Variants in BAZ2B observed in about 807,000 individuals in gnomAD.
BAZ2B encodes bromodomain adjacent to zinc finger domain 2B, also known as bromodomain adjacent to zinc finger domain protein 2B.
A neutral mutation model predicts 246.0 loss-of-function variants in BAZ2B; 91 were observed. The observed-to-expected ratio is 0.37, with a 90% CI of 0.31 to 0.44. The LOEUF (loss-of-function observed/expected upper bound fraction) is 0.44. Ranked by LOEUF, BAZ2B falls within the 20% of genes least tolerant of loss-of-function variation. The pLI is 1.00. For synonymous variants in BAZ2B, 855 were observed against 860.0 expected (o/e 0.99, Z 0.10); for missense variants, 2,332 against 2,533.7 (o/e 0.92, Z 1.71).
At chr2:159,606,019 C>T (rs1693406266) in intron 1 of BAZ2B, among the ~76,000 whole-genome samples, 1 of 152,184 alleles carries the variant, frequency 6.6e-6, no homozygotes. Flanking sequence ...AACCCTTCAA[C>T]TTTTACTTCA....
chr2:159,468,783 G>A (rs968436929), intron 3 of BAZ2B, among the ~76,000 whole-genome samples: 11 of 152,126 alleles, frequency 7.2e-5, no homozygotes, highest in African/African-American at 2.2e-4. Flanking sequence ...GGTGGCTAAC[G>A]CCTGTAATCC....
At chr2:159,399,035 C>A in intron 17 of BAZ2B, 141 bp from the exon 18 acceptor site, 1 of 611,306 alleles carries the variant, frequency 1.6e-6, no homozygotes, top group South Asian at 3.1e-5. Flanking sequence ...CAGATTTCCC[C>A]CCAGTTAACA....
intron 20 of BAZ2B, among the ~76,000 whole-genome samples, chr2:159,395,100 T>A (rs528650808): frequency 3.9e-5 from 6 of 152,108 alleles, no homozygotes; most frequent in South Asian, 4.2e-4. Flanking sequence ...ATCTCAATTT[T>A]AAAAAAATGG....
chr2:159,377,645 T>C (rs2061540979), intron 25 of BAZ2B, among the ~76,000 whole-genome samples: 2 of 151,786 alleles, frequency 1.3e-5, no homozygotes, highest in African/African-American at 4.8e-5. Flanking sequence ...AAACCCTGTC[T>C]CTACTAAAAA....
chr2:159,340,212 C>A, intron 31 of BAZ2B, among the ~76,000 whole-genome samples: 1 of 150,446 alleles, frequency 6.6e-6, no homozygotes, highest in South Asian at 2.1e-4. Flanking sequence ...ATAGGCAGAC[C>A]AAGGGGTGGG....
intron 4 of BAZ2B, among the ~76,000 whole-genome samples, chr2:159,448,793 A>G (rs1264704846): frequency 6.6e-6 from 1 of 152,218 alleles, no homozygotes; most frequent in Non-Finnish European, 1.5e-5. Flanking sequence ...TCTACAACCT[A>G]TGTTAAGACT....
In BAZ2B at chr2:159,350,325, G is replaced by C. The variant is rs1183329354; in HGVS notation, c.4246C>G (p.Leu1416Val). 1.3e-6 allele frequency: 2 copies of C among 1,567,384 alleles called. No homozygotes were observed. Among genetic ancestry groups the C allele is most frequent in the Non-Finnish European group, 1.7e-6 (2 of 1,161,700 alleles). ...LEEIAKEREK[L>V]KKAESVQIKE... Reference sequence around the variant, plus strand: ...ATCTGGACACTTTCTGCCTTTTTCAGTTTTTCTCTTTCTTTTGCAATTTCT... The same window carrying C: ...ATCTGGACACTTTCTGCCTTTTTCACTTTTTCTCTTTCTTTTGCAATTTCT... The change falls in exon 28 of 37, where the codon CTG becomes GTG. Residue 1416 changes from leucine to valine, a missense_variant. Leu to Val is a conservative substitution (Grantham distance 32). This residue lies in a region of BAZ2B where 676 missense variants were observed against 668.6 expected (regional missense o/e 1.01). Coordinates refer to ENST00000392783, the MANE Select transcript of BAZ2B (RefSeq NM_013450.4).
At chr2:159,552,034 T>C (rs1186486308) in intron 2 of BAZ2B, among the ~76,000 whole-genome samples, 1 of 152,188 alleles carries the variant, frequency 6.6e-6, no homozygotes, top group Non-Finnish European at 1.5e-5. Flanking sequence ...CAAAGGTTTT[T>C]CTAACCCCAA....
intron 2 of BAZ2B, among the ~76,000 whole-genome samples, chr2:159,484,914 G>C (rs1011274167): frequency 6.6e-6 from 1 of 152,094 alleles, no homozygotes; most frequent in African/African-American, 2.4e-5. Flanking sequence ...TTCCTGAAAG[G>C]ACTTTTTTTA....
At chr2:159,449,123 T>C (rs763334881) in intron 4 of BAZ2B, among the ~76,000 whole-genome samples, 10 of 152,204 alleles carry the variant, frequency 6.6e-5, no homozygotes, top group Non-Finnish European at 1.5e-4. Context: ...ATGATTGTTT[T>C]ATTGATATAA....
At chr2:159,551,119 G>A (rs999685233) in intron 2 of BAZ2B, among the ~76,000 whole-genome samples, 1 of 152,146 alleles carries the variant, frequency 6.6e-6, no homozygotes, top group African/African-American at 2.4e-5. Flanking sequence ...TTACAGGAGT[G>A]AGAGCCACTG....
the BAZ2B span, among the ~76,000 whole-genome samples, chr2:159,631,710 A>G: frequency 0.063 from 9,561 of 152,332 alleles, 392 homozygotes; most frequent in Middle Eastern, 0.14. Context: ...TGAGTTCATA[A>G]TTATACTAAA....
chr2:159,324,935 C>T lies in BAZ2B; in HGVS notation c.6229G>A (p.Glu2077Lys). ...ALCSMILTEM[E>K]THEDAWPFLL... Reference sequence around the variant, plus strand: ...AAAGGCCATGCATCCTCATGAGTTTCCATTTCAGTCAGAATCATACTAAAG... The same window carrying T: ...AAAGGCCATGCATCCTCATGAGTTTTCATTTCAGTCAGAATCATACTAAAG... The change falls in exon 36 of 37, where the codon GAA becomes AAA. Residue 2077 changes from glutamate to lysine, a missense_variant. Around this residue, in one of 9 missense-constraint regions of BAZ2B, gnomAD observed 210 missense variants for 232.5 expected, o/e 0.90. Transcript: ENST00000392783. 1 of 1,543,574 alleles carries T rather than the reference C, an allele frequency of 6.5e-7. No homozygotes were observed. The highest frequency in any genetic ancestry group is 8.7e-7 in the Non-Finnish European group (1 of 1,155,350).
At chr2:159,554,796 G>A (rs549096177) in intron 2 of BAZ2B, among the ~76,000 whole-genome samples, 1 of 151,980 alleles carries the variant, frequency 6.6e-6, no homozygotes, top group African/African-American at 2.4e-5. Context: ...GTTCATGATT[G>A]TAATTCAGAT....
intron 27 of BAZ2B, among the ~76,000 whole-genome samples, chr2:159,365,126 T>C (rs1042184169): frequency 1.1e-4 from 16 of 152,176 alleles, no homozygotes; most frequent in Non-Finnish European, 1.5e-5. Flanking sequence ...CTAGATATGA[T>C]ACAATTAAGC....
At chr2:159,551,573 G>A (rs943840361) in intron 2 of BAZ2B, among the ~76,000 whole-genome samples, 1 of 150,412 alleles carries the variant, frequency 6.6e-6, no homozygotes, top group African/African-American at 2.4e-5. Context: ...CTATAATAAT[G>A]AAATTACATA....
chr2:159,683,184 C>T, the BAZ2B span, among the ~76,000 whole-genome samples: 2 of 152,084 alleles, frequency 1.3e-5, no homozygotes, highest in East Asian at 1.9e-4. Context: ...TGGGAAAATA[C>T]GTTCTGAACA....
the BAZ2B span, among the ~76,000 whole-genome samples, chr2:159,637,460 G>A: frequency 2.0e-5 from 3 of 152,230 alleles, no homozygotes; most frequent in South Asian, 2.1e-4. Flanking sequence ...AAGAAGCTCC[G>A]CTGCCTGTGG....
chr2:159,368,682 A>T (rs2060481467), intron 27 of BAZ2B, among the ~76,000 whole-genome samples: 1 of 152,158 alleles, frequency 6.6e-6, no homozygotes, highest in Admixed American at 6.5e-5. Context: ...ATCACTTTGC[A>T]GTTGTTTTAG....
Sources: allele counts gnomAD v4.1 joint callset (sites outside exome capture counted in the v4.1 genomes callset), GRCh38; gene constraint gnomAD v4.1.1; regional missense constraint gnomAD v4.1.1; transcripts MANE v1.5; gene names NCBI Gene and HGNC (gene_info 2026-07-23, HGNC 2026-07-21).